The following HDAC9 variants were observed in gnomAD, a reference collection of about 807,000 sequenced individuals.
HDAC9 encodes MEF-2 interacting transcription repressor (MITR) protein.
HDAC9 carries 41 observed loss-of-function variants against 139.4 expected under a neutral mutation model. The ratio of observed to expected loss-of-function variants is 0.29; its 90% confidence interval spans 0.23 to 0.38. The LOEUF (loss-of-function observed/expected upper bound fraction) is 0.38, where lower values mean the gene tolerates loss of function less well. HDAC9 is among the 10% of genes least tolerant of loss of function. HDAC9 has a pLI of 1.00. For missense variants in HDAC9, 1,147 were observed against 1,297.0 expected, an observed-to-expected ratio of 0.88 and a Z score of 1.78; for synonymous variants, 517 against 476.2, an observed-to-expected ratio of 1.09 and a Z score of -1.12.
chr7:18,709,532 A>G (rs1267429522), intron 12 of HDAC9, among the ~76,000 whole-genome samples: 1 of 152,200 alleles, frequency 6.6e-6, no homozygotes, highest in Non-Finnish European at 1.5e-5. Context: ...TTTTTTAAGA[A>G]CTAGATTAAA....
chr7:18,880,586 A>T (rs1450067574), intron 22 of HDAC9, among the ~76,000 whole-genome samples: 1 of 152,124 alleles, frequency 6.6e-6, no homozygotes, highest in Non-Finnish European at 1.5e-5. Flanking sequence ...CTCACTTTCA[A>T]TTGGGAGCTA....
chr7:18,405,043 T>A (rs2128738363), intron 1 of HDAC9, among the ~76,000 whole-genome samples: 1 of 152,282 alleles, frequency 6.6e-6, no homozygotes, highest in Non-Finnish European at 1.5e-5. Context: ...ATGTGCAACT[T>A]TGGGCTGTGG....
chr7:18,831,985 C>G (rs1359433619), intron 19 of HDAC9, among the ~76,000 whole-genome samples: 10 of 152,180 alleles, frequency 6.6e-5, no homozygotes, highest in Non-Finnish European at 1.2e-4. Context: ...TACTTTGGGT[C>G]ACAGCCAAAT....
intron 1 of HDAC9, among the ~76,000 whole-genome samples, chr7:18,117,282 C>A (rs1201918862): frequency 6.6e-6 from 1 of 151,894 alleles, no homozygotes; most frequent in African/African-American, 2.4e-5. Context: ...GTCAGGAGAT[C>A]GAGACCTTCC....
At chr7:18,280,045 A>T (rs980938214) in intron 2 of HDAC9, among the ~76,000 whole-genome samples, 1 of 152,238 alleles carries the variant, frequency 6.6e-6, no homozygotes, top group Non-Finnish European at 1.5e-5. Flanking sequence ...ATACTTATCC[A>T]TTTAGCAAAT....
intron 12 of HDAC9, among the ~76,000 whole-genome samples, chr7:18,694,501 G>C (rs998745813): frequency 9.2e-5 from 14 of 152,086 alleles, no homozygotes; most frequent in African/African-American, 3.4e-4. Context: ...TCAAGAACTG[G>C]TTTATCTCCA....
intron 22 of HDAC9, among the ~76,000 whole-genome samples, chr7:18,880,046 CAT>C (rs1473082023): frequency 1.3e-5 from 2 of 152,000 alleles, no homozygotes; most frequent in African/African-American, 4.8e-5. Flanking sequence ...AGCCAACAAG[CAT>C]ATGAAAAAAG....
intron 2 of HDAC9, among the ~76,000 whole-genome samples, chr7:18,565,654 G>C (rs1454202600): frequency 6.6e-6 from 1 of 152,086 alleles, no homozygotes; most frequent in Non-Finnish European, 1.5e-5. Context: ...GAAAAAAAAG[G>C]GTGGGGAATT....
intron 22 of HDAC9, among the ~76,000 whole-genome samples, chr7:18,920,464 T>C (rs1803598297): frequency 6.6e-6 from 1 of 152,126 alleles, no homozygotes; most frequent in African/African-American, 2.4e-5. Context: ...CTTCCTCTTT[T>C]CCTAATTGAA....
intron 17 of HDAC9, among the ~76,000 whole-genome samples, chr7:18,807,266 T>C (rs1793786303): frequency 1.3e-5 from 2 of 152,190 alleles, no homozygotes; most frequent in African/African-American, 4.8e-5. Context: ...TTTATGATCC[T>C]TTTTATTTCT....
intron 2 of HDAC9, among the ~76,000 whole-genome samples, chr7:18,571,996 A>C (rs1477225259): frequency 6.6e-6 from 1 of 151,548 alleles, no homozygotes; most frequent in Non-Finnish European, 1.5e-5. Flanking sequence ...TCAAAATAGC[A>C]CATAATGATG....
chr7:18,170,518 C>T (rs1379960738), intron 2 of HDAC9, among the ~76,000 whole-genome samples: 1 of 152,068 alleles, frequency 6.6e-6, no homozygotes, highest in African/African-American at 2.4e-5. Flanking sequence ...AGTCCTTGCC[C>T]ATGCCTATGT....
At chr7:18,905,863 TTTCTTTCCTTTCTTTTCC>T (rs1239738920) in intron 22 of HDAC9, among the ~76,000 whole-genome samples, 60 of 151,834 alleles carry the variant, frequency 4.0e-4, no homozygotes, top group Middle Eastern at 3.4e-3. Context: ...TCTTTCTTTC[TTTCTTTCCTTTCTTTTCC>T]TTCTTTCCTT....
At chr7:18,736,158 T>C (rs897863756) in intron 13 of HDAC9, among the ~76,000 whole-genome samples, 1 of 152,212 alleles carries the variant, frequency 6.6e-6, no homozygotes, top group African/African-American at 2.4e-5. Context: ...GTTTTCTAAA[T>C]ATACAATCAT....
rs148349073 is a variant in HDAC9 at position 18,870,635 on chromosome 7, C to T, written c.2685-3843C>T. Among the ~76,000 whole-genome samples the T allele has an allele frequency of 6.4e-3, 969 of 152,188 alleles. 12 individuals carry two copies. The highest frequency in any genetic ancestry group is 0.022 in the African/African-American group (931 of 41,540). ...ATTATGCAAATATAATGATTGACAG[C>T]AAACTTTTGTCCACTAATCTTATTT... is the stretch of plus-strand genomic sequence containing the variant. On this transcript the variant is annotated intron_variant, in intron 21 of 25. Transcript: ENST00000686413.
intron 24 of HDAC9, among the ~76,000 whole-genome samples, chr7:18,966,438 C>A (rs1783854067): frequency 6.6e-6 from 1 of 152,140 alleles, no homozygotes; most frequent in Non-Finnish European, 1.5e-5. Flanking sequence ...GCCGGTGGCT[C>A]ACGCCTGTAA....
intron 2 of HDAC9, among the ~76,000 whole-genome samples, chr7:18,184,155 T>C (rs1232331495): frequency 6.6e-6 from 1 of 152,182 alleles, no homozygotes; most frequent in Non-Finnish European, 1.5e-5. Flanking sequence ...TCCTAGCACT[T>C]TGGGAGGCTG....
At chr7:18,895,864 A>G (rs1343734991) in intron 22 of HDAC9, among the ~76,000 whole-genome samples, 1 of 152,128 alleles carries the variant, frequency 6.6e-6, no homozygotes, top group Non-Finnish European at 1.5e-5. Context: ...CTTAGTAACA[A>G]TAAGTCATTA....
rs1586291423 is a variant in HDAC9, at chr7:18,495,910, A to G, written c.-155A>G. ...ACTTAATAATTTTCTACGTATTCTG[A>G]CAAAGAAATAACCCCGAAGCACGTT... On this transcript the variant is annotated 5_prime_UTR_variant, in exon 1 of 26. Coordinates refer to ENST00000686413, the MANE Select transcript of HDAC9 (RefSeq NM_178425.4). The G allele has an allele frequency of 3.3e-6, 4 of 1,203,288 alleles. No individual in the cohort carries two copies. In the East Asian group the frequency reaches 1.4e-4, roughly 43 times the overall value. The allele number at this position is 1,203,288 out of a possible 1,614,324, so 74.5% of individuals were successfully genotyped here. A position where few individuals can be genotyped will look rare whatever the true frequency, so the allele number is the denominator to read the frequency against.
Sources: allele counts gnomAD v4.1 joint callset (sites outside exome capture counted in the v4.1 genomes callset), GRCh38; gene constraint gnomAD v4.1.1; transcripts MANE v1.5; gene names NCBI Gene and HGNC (gene_info 2026-07-23, HGNC 2026-07-21).